The following TERT variants were observed in gnomAD, a reference collection of about 807,000 sequenced individuals.
TERT encodes the protein telomerase reverse transcriptase.
Under a neutral mutation model 104.0 loss-of-function variants are expected in TERT, and 42 were observed. The ratio of observed to expected loss-of-function variants is 0.40; its 90% CI spans 0.32 to 0.52. The LOEUF is 0.52. Among genes scored for constraint, TERT ranks in the 20% least tolerant of loss-of-function variants. The pLI is 0.43. For synonymous variants in TERT, 781 were observed against 725.6 expected, an observed-to-expected ratio of 1.08 and a Z score of -1.23; for missense variants, 1,101 against 1,610.3, an observed-to-expected ratio of 0.68 and a Z score of 5.41.
At position 1,254,367 on chromosome 5, in the gene TERT, C is replaced by T. The variant is rs772535861; in HGVS notation, c.3295+1G>A. 1 of 1,612,900 alleles carries T rather than the reference C, an allele frequency of 6.2e-7. No individual in the cohort carries two copies. Among genetic ancestry groups the T allele is most frequent in the Non-Finnish European group, 8.5e-7 (1 of 1,179,908 alleles). On this transcript the variant is annotated splice_donor_variant, in intron 15 of 15. Transcript: ENST00000310581. LOFTEE classifies it high-confidence loss of function. ...CCGCACTGGCCTCCACCCACACTTG[C>T]CTGTCCTGAGTGACCCCAGGAGTGG...
chr5:1,262,332 C>T lies in TERT; in HGVS notation c.2844-1732G>A, dbSNP rs1256874968. Among the ~76,000 whole-genome samples the T allele has an allele frequency of 6.6e-6, 1 of 152,182 alleles. No homozygotes were observed. The highest frequency in any genetic ancestry group is 1.5e-5 in the Non-Finnish European group (1 of 68,036). On this transcript the variant is annotated intron_variant, in intron 11 of 15. Coordinates refer to ENST00000310581, the MANE Select transcript of TERT (RefSeq NM_198253.3). The surrounding 1 kb of genome is among the most constrained non-coding windows in gnomAD (Gnocchi z 5.6). Reference sequence around the variant, plus strand: ...TAACACACGTTTCTGAGAGATAGGGCTTCCGTTTTGTTCTATTGTTCTGTC... The same window carrying T: ...TAACACACGTTTCTGAGAGATAGGGTTTCCGTTTTGTTCTATTGTTCTGTC...
intron 13 of TERT, among the ~76,000 whole-genome samples, chr5:1,258,383 C>A (rs752471827): frequency 1.8e-4 from 27 of 152,282 alleles, no homozygotes; most frequent in Non-Finnish European, 3.7e-4. Context: ...ACACCTGGGG[C>A]CACACCGGCT....
At position 1,257,755 on chromosome 5, in the gene TERT, G is replaced by A. The variant is rs1490206448; in HGVS notation, c.3032+843C>T. Among the ~76,000 whole-genome samples the A allele has an allele frequency of 6.6e-6, 1 of 152,198 alleles. No individual in the cohort carries two copies. The highest frequency in any genetic ancestry group is 2.4e-5 in the African/African-American group (1 of 41,446). The stretch of plus-strand genomic sequence containing the variant: ...TTGCTGGGTTTCCACGATAGACGAC[G>A]ACCTCATTTCACATCAAGTGTGCAC... On this transcript the variant is annotated intron_variant, in intron 13 of 15. Coordinates refer to ENST00000310581, the MANE Select transcript of TERT (RefSeq NM_198253.3). The surrounding 1 kb of genome is among the most constrained non-coding windows in gnomAD (Gnocchi z 5.6).
chr5:1,260,323 T>C (rs1748132943), intron 12 of TERT, 151 bp downstream of exon 12: 2 of 1,270,688 alleles, frequency 1.6e-6, no homozygotes, highest in Admixed American at 1.7e-5. Context: ...CATGCACACA[T>C]GTATGTGCTC....
Position 1,274,739 on chromosome 5 carries a change from A to G in TERT, c.2287-2459T>C, listed in dbSNP as rs1032326357. Reference sequence around the variant, plus strand: ...TCCTAACAGGCCCCAGACCGGTGCCACTCCACAGCCAGGGGCCTCGGGATC... The same window carrying G: ...TCCTAACAGGCCCCAGACCGGTGCCGCTCCACAGCCAGGGGCCTCGGGATC... On this transcript the variant is annotated intron_variant, in intron 6 of 15. Transcript: ENST00000310581. The surrounding 1 kb of genome is among the most constrained non-coding windows in gnomAD (Gnocchi z 5.3). Among the ~76,000 whole-genome samples, 6 of 152,170 alleles carry G rather than the reference A, an allele frequency of 3.9e-5. No individual in the cohort carries two copies. Among genetic ancestry groups the G allele is most frequent in the African/African-American group, 2.4e-5 (1 of 41,436 alleles).
chr5:1,258,723 T>G (rs772765233), intron 12 of TERT, 64 bp from the exon 13 acceptor site: 3 of 1,396,400 alleles, frequency 2.1e-6, no homozygotes, highest in Non-Finnish European at 3.0e-6. Context: ...GTTTTTACTT[T>G]TTGCTTTATC....
rs1309239470 is a variant in TERT, at chr5:1,263,560, G to A, written c.2843+844C>T. On this transcript the variant is annotated intron_variant, in intron 11 of 15. Transcript: ENST00000310581. The surrounding 1 kb of genome is among the most constrained non-coding windows in gnomAD (Gnocchi z 5.3). ...CGGGGACTACAGGCGTGTGCCACCAGGCCAGGCTAATTTTTGTATTTTTTA... is the reference window on the plus strand; with the variant it reads ...CGGGGACTACAGGCGTGTGCCACCAAGCCAGGCTAATTTTTGTATTTTTTA... Among the ~76,000 whole-genome samples, 2 of 152,152 alleles carry A rather than the reference G, an allele frequency of 1.3e-5. No homozygotes were observed. Among genetic ancestry groups the A allele is most frequent in the African/African-American group, 4.8e-5 (2 of 41,446 alleles).
chr5:1,294,625 C>T lies in TERT; in HGVS notation c.261G>A (p.Arg87=), dbSNP rs1033845124. Residue 87 remains arginine (R), a synonymous_variant, in exon 2 of 16, where the codon AGG becomes AGA. Transcript: ENST00000310581. ...CGTTCTTCGCGCCGCGCTCGCACAGCCTCTGCAGCACTCGGGCCACCAGCT... is the reference window on the plus strand; with the variant it reads ...CGTTCTTCGCGCCGCGCTCGCACAGTCTCTGCAGCACTCGGGCCACCAGCT... The part of the protein sequence containing the change: ...LKELVARVLQ[R]LCERGAKNVL... 1 of 1,596,376 alleles carries T rather than the reference C, an allele frequency of 6.3e-7. No individual in the cohort carries two copies. Among genetic ancestry groups the T allele is most frequent in the East Asian group, 2.2e-5 (1 of 44,816 alleles).
At position 1,271,896 on chromosome 5, in the gene TERT, A is replaced by G. The variant is rs1295915741; in HGVS notation, c.2382+289T>C. Among the ~76,000 whole-genome samples, 9 of 152,228 alleles carry G rather than the reference A, an allele frequency of 5.9e-5. No individual in the cohort carries two copies. In the East Asian group the frequency reaches 1.3e-3, roughly 23 times the overall value. ...ACACCTTTCCTTTGGCCTCAAGATC[A>G]AAACTGGCAGAGAAGACATTTAGCA... On this transcript the variant is annotated intron_variant, in intron 7 of 15. Transcript: ENST00000310581.
chr5:1,290,190 C>A (rs1278496272), intron 2 of TERT, among the ~76,000 whole-genome samples: 1 of 83,710 alleles, frequency 1.2e-5, no homozygotes, highest in Non-Finnish European at 2.2e-5. Context: ...CCTCACTCAC[C>A]CTACACGTGA....
At chr5:1,260,345 C>G (rs1057159191) in intron 12 of TERT, 129 bp downstream of exon 12, 2 of 1,428,672 alleles carry the variant, frequency 1.4e-6, no homozygotes, top group Non-Finnish European at 1.9e-6. Context: ...CGTGTATATG[C>G]GTACATGTGC....
chr5:1,281,782 C>T (rs531699599), intron 3 of TERT, among the ~76,000 whole-genome samples: 2 of 152,302 alleles, frequency 1.3e-5, no homozygotes, highest in East Asian at 1.9e-4. Flanking sequence ...TCATACAGAA[C>T]AGCATGAATT....
At chr5:1,289,129 G>A (rs1482145033) in intron 2 of TERT, among the ~76,000 whole-genome samples, 30 of 151,758 alleles carry the variant, frequency 2.0e-4, no homozygotes, top group Non-Finnish European at 3.8e-4. Flanking sequence ...CAGGGACAGC[G>A]CCTCACTCAC....
At chr5:1,278,573 T>C in intron 6 of TERT, 68 bp downstream of exon 6, 1 of 1,605,990 alleles carries the variant, frequency 6.2e-7, no homozygotes. Flanking sequence ...CAGACACGAC[T>C]GCATTCTAGA....
chr5:1,253,719 G>C lies in TERT; in HGVS notation c.*9C>G, dbSNP rs374834138. 1 of 1,604,812 alleles carries C rather than the reference G, an allele frequency of 6.2e-7. No homozygotes were observed. Among genetic ancestry groups the C allele is most frequent in the Admixed American group, 1.7e-5 (1 of 59,528 alleles). ...GTCTGCTCTCGGCCTGGCTGTGGGC[G>C]GGTGGCCATCAGTCCAGGATGGTCT... On this transcript the variant is annotated 3_prime_UTR_variant, in exon 16 of 16. Coordinates refer to ENST00000310581, the MANE Select transcript of TERT (RefSeq NM_198253.3).
intron 2 of TERT, among the ~76,000 whole-genome samples, chr5:1,291,407 C>T (rs865845363): frequency 1.5e-5 from 1 of 66,976 alleles, no homozygotes; most frequent in Non-Finnish European, 2.8e-5. Flanking sequence ...CCTCACTCAC[C>T]CTGCACGGGA....
At position 1,260,336 on chromosome 5, in the gene TERT, G is replaced by A. The variant is rs1038330769; in HGVS notation, c.2970+138C>T. On this transcript the variant is annotated intron_variant, in intron 12 of 15. Coordinates refer to ENST00000310581, the MANE Select transcript of TERT (RefSeq NM_198253.3). ...CACATGCACACATGTATGTGCTCAC[G>A]TGTATATGCGTACATGTGCACTCTT... is the stretch of plus-strand genomic sequence containing the variant. The A allele has an allele frequency of 4.6e-5, 63 of 1,362,226 alleles. No homozygotes were observed. In the Middle Eastern group the frequency reaches 5.6e-4, roughly 12 times the overall value. The allele number at this position is 1,362,226 out of a possible 1,614,324, so 84.4% of individuals were successfully genotyped here.
In TERT at chr5:1,255,421, T is replaced by A; in HGVS notation, c.3033-10A>T. On this transcript the variant is annotated splice_polypyrimidine_tract_variant and intron_variant, in intron 13 of 15. Coordinates refer to ENST00000310581, the MANE Select transcript of TERT (RefSeq NM_198253.3). The surrounding 1 kb of genome is among the most constrained non-coding windows in gnomAD (Gnocchi z 6.9). ...CACACATGCGTGAAACCTGAGAGGATGGCGGACAGCGTCAGAGGAAAGGCC... is the reference window on the plus strand; with the variant it reads ...CACACATGCGTGAAACCTGAGAGGAAGGCGGACAGCGTCAGAGGAAAGGCC... The A allele has an allele frequency of 6.2e-7, 1 of 1,614,096 alleles. No individual in the cohort carries two copies. The highest frequency in any genetic ancestry group is 8.5e-7 in the Non-Finnish European group (1 of 1,180,010).
chr5:1,288,522 G>A lies in TERT; in HGVS notation c.1573+4791C>T, dbSNP rs1372623373. Among the ~76,000 whole-genome samples, 1 of 152,096 alleles carries A rather than the reference G, an allele frequency of 6.6e-6. No homozygotes were observed. The highest frequency in any genetic ancestry group is 1.9e-4 in the East Asian group (1 of 5,186). On this transcript the variant is annotated intron_variant, in intron 2 of 15. Transcript: ENST00000310581. The surrounding 1 kb of genome is among the most constrained non-coding windows in gnomAD (Gnocchi z 5.3). ...TGGCTGGACGTCAATCCATGTGAGG[G>A]GGCGACTGGAGGCAGAGCCCAGCCT...
Sources: allele counts gnomAD v4.1 joint callset (sites outside exome capture counted in the v4.1 genomes callset), GRCh38; gene constraint gnomAD v4.1.1; non-coding constraint Gnocchi (gnomAD v3.1); transcripts MANE v1.5; gene names NCBI Gene and HGNC (gene_info 2026-07-23, HGNC 2026-07-21).